The following DCDC1 variants were observed in gnomAD, a reference collection of about 807,000 sequenced individuals.
DCDC1 encodes the protein doublecortin domain containing 1.
DCDC1 carries 200 observed loss-of-function variants against 178.3 expected under a neutral mutation model. The ratio of observed to expected loss-of-function variants is 1.12; its 90% confidence interval spans 1.00 to 1.26. DCDC1 has a LOEUF of 1.26. Ranked by LOEUF, DCDC1 falls within the 50% of genes most tolerant of loss-of-function variation. DCDC1 has a pLI of 0.00. For synonymous variants in DCDC1, 690 were observed against 604.8 expected (o/e 1.14, Z -2.07); for missense variants, 1,983 against 1,749.2 (o/e 1.13, Z -2.38).
intron 7 of DCDC1, among the ~76,000 whole-genome samples, chr11:31,270,355 A>G (rs538930241): frequency 2.0e-5 from 3 of 152,378 alleles, no homozygotes; most frequent in South Asian, 4.1e-4. Context: ...CTTTCATGCT[A>G]TAACAGCAAG....
chr11:31,166,121 C>A (rs1156613869), intron 9 of DCDC1, among the ~76,000 whole-genome samples: 1 of 152,088 alleles, frequency 6.6e-6, no homozygotes, highest in African/African-American at 2.4e-5. Flanking sequence ...AGTTTCATTT[C>A]TTTTTGTAAG....
intron 21 of DCDC1, among the ~76,000 whole-genome samples, chr11:30,946,428 T>G (rs1303463265): frequency 2.0e-5 from 3 of 152,220 alleles, no homozygotes; most frequent in Non-Finnish European, 4.4e-5. Flanking sequence ...ATCCAGCCAC[T>G]GGCTTAGACT....
chr11:31,368,066 A>G (rs1441648241), intron 1 of DCDC1, among the ~76,000 whole-genome samples: 1 of 152,216 alleles, frequency 6.6e-6, no homozygotes, highest in Non-Finnish European at 1.5e-5. Flanking sequence ...ATTTTCAATT[A>G]ACCGTGGAAA....
intron 20 of DCDC1, among the ~76,000 whole-genome samples, chr11:31,030,618 A>C (rs1953558557): frequency 6.6e-6 from 1 of 152,144 alleles, no homozygotes; most frequent in Non-Finnish European, 1.5e-5. Flanking sequence ...ACTGTCAGGA[A>C]TAGAGTGCAT....
chr11:31,128,617 T>C (rs1961984532), intron 10 of DCDC1, among the ~76,000 whole-genome samples: 1 of 152,136 alleles, frequency 6.6e-6, no homozygotes, highest in Non-Finnish European at 1.5e-5. Flanking sequence ...ATGAGTAAGT[T>C]TGAATAGAGC....
At chr11:31,250,430 G>GCACA (rs1565496619) in intron 8 of DCDC1, among the ~76,000 whole-genome samples, 1 of 84,846 alleles carries the variant, frequency 1.2e-5, no homozygotes, top group Non-Finnish European at 2.4e-5. Context: ...ACATATATAT[G>GCACA]TATATATATA....
chr11:30,919,652 G>C (rs1343615291), intron 25 of DCDC1, among the ~76,000 whole-genome samples: 1 of 152,118 alleles, frequency 6.6e-6, no homozygotes, highest in African/African-American at 2.4e-5. Flanking sequence ...GCCTTCTGGT[G>C]CCTTTGTTAG....
Position 31,057,228 on chromosome 11 carries a change from T to C in DCDC1, c.2591+7241A>G, listed in dbSNP as rs575644728. ...TAGCCAGGGCAATACAGCAAGATTC[T>C]ATCTCGAAAGAAAGAAAAGAAAGGA... On this transcript the variant is annotated intron_variant, in intron 20 of 38. Coordinates refer to ENST00000684477, the MANE Select transcript of DCDC1 (RefSeq NM_001387274.1). Among the ~76,000 whole-genome samples, 96 of 122,732 alleles carry C rather than the reference T, an allele frequency of 7.8e-4. 1 individual carries two copies. The highest frequency in any genetic ancestry group is 3.0e-3 in the African/African-American group (92 of 30,630). The allele number at this position is 122,732 out of a possible 152,430, so 80.5% of individuals were successfully genotyped here. A position where few individuals can be genotyped will look rare whatever the true frequency, so the allele number is the denominator to read the frequency against.
intron 20 of DCDC1, among the ~76,000 whole-genome samples, chr11:31,019,844 A>G (rs1422401978): frequency 6.6e-6 from 1 of 152,004 alleles, no homozygotes; most frequent in African/African-American, 2.4e-5. Context: ...GCTCTTTGCT[A>G]ATCTCTCTGT....
intron 20 of DCDC1, among the ~76,000 whole-genome samples, chr11:31,047,128 A>G (rs1407524225): frequency 6.6e-6 from 1 of 151,886 alleles, no homozygotes; most frequent in African/African-American, 2.4e-5. Context: ...TTTAACTTCT[A>G]CCCTGTGTTC....
chr11:30,897,655 TA>T (rs1457104237), intron 34 of DCDC1, among the ~76,000 whole-genome samples: 1 of 151,588 alleles, frequency 6.6e-6, no homozygotes, highest in African/African-American at 2.4e-5. Context: ...AATCAGAATT[TA>T]ATAAAGGCAG....
intron 20 of DCDC1, among the ~76,000 whole-genome samples, chr11:31,028,483 T>C (rs1043699802): frequency 2.6e-5 from 4 of 151,960 alleles, no homozygotes; most frequent in African/African-American, 9.7e-5. Flanking sequence ...TACTGCAATT[T>C]CACATTTGAA....
intron 8 of DCDC1, among the ~76,000 whole-genome samples, chr11:31,261,934 C>G (rs997324204): frequency 4.6e-5 from 7 of 151,998 alleles, no homozygotes; most frequent in Non-Finnish European, 1.0e-4. Flanking sequence ...ATGACTTCTT[C>G]CATGTGGCCT....
chr11:31,047,222 A>G (rs928400606), intron 20 of DCDC1, among the ~76,000 whole-genome samples: 6 of 152,200 alleles, frequency 3.9e-5, no homozygotes, highest in African/African-American at 1.4e-4. Flanking sequence ...ATAACATTAC[A>G]TTATACAAAT....
intron 2 of DCDC1, among the ~76,000 whole-genome samples, chr11:31,330,329 T>C (rs1949904276): frequency 6.6e-6 from 1 of 152,220 alleles, no homozygotes; most frequent in Non-Finnish European, 1.5e-5. Flanking sequence ...GGCAAAAATT[T>C]TCTCCCATTC....
chr11:31,353,630 A>C lies in DCDC1; in HGVS notation c.-125+16067T>G, dbSNP rs563763747. Among the ~76,000 whole-genome samples the C allele has an allele frequency of 4.6e-5, 7 of 152,338 alleles. No individual in the cohort carries two copies. The South Asian group carries it at 1.5e-3, about 32-fold the overall frequency. The stretch of plus-strand genomic sequence containing the variant: ...TTACAGCTTTAGATAATATTTTCTT[A>C]AACGCCTTATTCTTAAGGATAATTT... On this transcript the variant is annotated intron_variant, in intron 1 of 38. Coordinates refer to ENST00000684477, the MANE Select transcript of DCDC1 (RefSeq NM_001387274.1).
intron 8 of DCDC1, among the ~76,000 whole-genome samples, chr11:31,250,293 A>G (rs1943888422): frequency 7.8e-6 from 1 of 127,786 alleles, no homozygotes; most frequent in African/African-American, 2.6e-5. Flanking sequence ...CTTAGTATCC[A>G]AAACAAGGCA....
At chr11:30,932,494 C>T (rs1334554987) in intron 21 of DCDC1, among the ~76,000 whole-genome samples, 1 of 152,106 alleles carries the variant, frequency 6.6e-6, no homozygotes, top group African/African-American at 2.4e-5. Context: ...TTGATTAATT[C>T]ATGTATTCTT....
At chr11:30,992,593 T>C (rs1324441231) in intron 20 of DCDC1, 1 of 152,158 alleles carries the variant, frequency 6.6e-6, no homozygotes, top group Non-Finnish European at 1.5e-5. Context: ...CCCATCACCA[T>C]GGTGATTTGC....
Sources: gnomAD v4.1 joint callset for allele counts (sites outside exome capture counted in the v4.1 genomes callset) on GRCh38, gnomAD v4.1.1 for gene constraint, MANE v1.5 for transcripts, NCBI Gene and HGNC (gene_info 2026-07-23, HGNC 2026-07-21) for gene names.